Variants in SNX6 observed in about 807,000 individuals in gnomAD.
The protein encoded by SNX6 is sorting nexin-6.
In SNX6, 34 loss-of-function variants were observed where a neutral mutation model predicts 63.0. That is an observed-to-expected ratio of 0.54 (90% CI 0.41 to 0.72). SNX6 has a LOEUF of 0.72. Among genes scored for constraint, SNX6 ranks in the 30% least tolerant of loss-of-function variants. The pLI is 0.00. For synonymous variants in SNX6, 170 were observed against 164.2 expected (o/e 1.04, Z -0.27); for missense variants, 398 against 471.4 (o/e 0.84, Z 1.44).
At chr14:34,595,649 G>T (rs1489932573) in intron 7 of SNX6, among the ~76,000 whole-genome samples, 1 of 152,148 alleles carries the variant, frequency 6.6e-6, no homozygotes, top group Non-Finnish European at 1.5e-5. Flanking sequence ...GCATCAAATG[G>T]AAGTAAGCTG....
chr14:34,622,751 T>C (rs1594752326), intron 2 of SNX6, among the ~76,000 whole-genome samples: 1 of 152,024 alleles, frequency 6.6e-6, no homozygotes, highest in African/African-American at 2.4e-5. Context: ...AGCAGACCAA[T>C]AGCACAGTGG....
intron 8 of SNX6, among the ~76,000 whole-genome samples, chr14:34,589,641 T>C (rs931017482): frequency 2.0e-5 from 3 of 150,938 alleles, no homozygotes; most frequent in Non-Finnish European, 4.4e-5. Flanking sequence ...GCCTGGGCAA[T>C]ATGGCAAAAC....
chr14:34,589,176 C>T (rs544580995), intron 8 of SNX6, among the ~76,000 whole-genome samples: 4 of 152,084 alleles, frequency 2.6e-5, no homozygotes, highest in Admixed American at 2.6e-4. Flanking sequence ...GATTCTAGGG[C>T]TGAGGGCGGT....
intron 2 of SNX6, among the ~76,000 whole-genome samples, chr14:34,623,815 A>G (rs555159754): frequency 2.0e-5 from 3 of 152,352 alleles, no homozygotes; most frequent in African/African-American, 7.2e-5. Context: ...TACTCCACCT[A>G]AAGTAATTCT....
intron 2 of SNX6, among the ~76,000 whole-genome samples, chr14:34,615,405 A>G (rs2138371378): frequency 6.6e-6 from 1 of 152,286 alleles, no homozygotes; most frequent in African/African-American, 2.4e-5. Flanking sequence ...TTATTTTTTA[A>G]GAGATAGGGT....
At chr14:34,610,087 T>C (rs1285428026) in intron 2 of SNX6, among the ~76,000 whole-genome samples, 1 of 151,524 alleles carries the variant, frequency 6.6e-6, no homozygotes, top group Admixed American at 6.6e-5. Flanking sequence ...CTCATGTCTA[T>C]AATCCCAGCA....
At chr14:34,618,457 T>C (rs150271802) in intron 2 of SNX6, among the ~76,000 whole-genome samples, 47 of 152,178 alleles carry the variant, frequency 3.1e-4, no homozygotes, top group African/African-American at 9.9e-4. Flanking sequence ...TTCAAGCAAT[T>C]CTCCTGCCTC....
chr14:34,570,747 G>T (rs771961634), intron 11 of SNX6, among the ~76,000 whole-genome samples: 2 of 109,382 alleles, frequency 1.8e-5, no homozygotes, highest in East Asian at 3.0e-4. Flanking sequence ...TTTTTGAGAT[G>T]GAGTCTCACT....
chr14:34,568,565 G>T, intron 11 of SNX6: 1 of 560,030 alleles, frequency 1.8e-6, no homozygotes, highest in South Asian at 1.8e-5. Flanking sequence ...CAAACTCCTG[G>T]CCTCAAAGTG....
At chr14:34,595,063 G>A (rs750158362) in intron 7 of SNX6, among the ~76,000 whole-genome samples, 7 of 152,076 alleles carry the variant, frequency 4.6e-5, no homozygotes, top group Non-Finnish European at 1.0e-4. Flanking sequence ...CTGCACAGCA[G>A]CCTAAGGCAA....
chr14:34,605,525 T>C, intron 5 of SNX6, 71 bp downstream of exon 5: 2 of 1,344,534 alleles, frequency 1.5e-6, no homozygotes, highest in Non-Finnish European at 2.0e-6. Context: ...AAAAAGGCAT[T>C]AAAGCAAGCA....
intron 11 of SNX6, among the ~76,000 whole-genome samples, chr14:34,575,106 G>T (rs1352682034): frequency 6.6e-6 from 1 of 151,022 alleles, no homozygotes; most frequent in Non-Finnish European, 1.5e-5. Flanking sequence ...TGGCCAGGGT[G>T]GTCTCGAACT....
At chr14:34,585,837 G>T (rs1033242139) in intron 9 of SNX6, among the ~76,000 whole-genome samples, 1 of 151,790 alleles carries the variant, frequency 6.6e-6, no homozygotes, top group African/African-American at 2.4e-5. Flanking sequence ...CCGGACCTCA[G>T]GTTTTCCACC....
chr14:34,597,588 C>T lies in SNX6; in HGVS notation c.574G>A (p.Val192Ile). 6.2e-7 allele frequency: 1 copy of T among 1,608,374 alleles called. No individual in the cohort carries two copies. The highest frequency in any genetic ancestry group is 8.5e-7 in the Non-Finnish European group (1 of 1,176,290). ...ACGATTACTCCATCTGCTGATTTAA[C>T]CATGTTTTTAAAGAAGTCTTCAAGT... ...EKLEDFFKNM[V>I]KSADGVIVSG... Residue 192 changes from valine to isoleucine, a missense_variant, in exon 7 of 14, where the codon GTT becomes ATT. Val to Ile is a conservative substitution (Grantham distance 29). Coordinates refer to ENST00000362031, the MANE Select transcript of SNX6 (RefSeq NM_152233.4).
intron 10 of SNX6, among the ~76,000 whole-genome samples, chr14:34,578,883 G>T: frequency 8.3e-6 from 1 of 120,870 alleles, no homozygotes; most frequent in East Asian, 3.0e-4. Context: ...AGGTTTCAGT[G>T]AGCCAAGATC....
Position 34,562,991 on chromosome 14 carries a change from A to T in SNX6, c.*131T>A, listed in dbSNP as rs1320948024. Reference sequence around the variant, plus strand: ...GCGCTGCTCCATGTTTCTCAGAAAAAGAGGAGTTGATGCACTTTTTCAGCT... The same window carrying T: ...GCGCTGCTCCATGTTTCTCAGAAAATGAGGAGTTGATGCACTTTTTCAGCT... On this transcript the variant is annotated 3_prime_UTR_variant, in exon 14 of 14. Transcript: ENST00000362031. The T allele has an allele frequency of 1.5e-5, 13 of 852,086 alleles. No homozygotes were observed. The highest frequency in any genetic ancestry group is 5.7e-6 in the Non-Finnish European group (3 of 528,500). 52.8% of individuals were successfully genotyped at this position (852,086 alleles called of 1,614,324 possible).
chr14:34,584,828 A>C (rs904339898), intron 9 of SNX6, among the ~76,000 whole-genome samples: 3 of 152,054 alleles, frequency 2.0e-5, no homozygotes, highest in Non-Finnish European at 4.4e-5. Context: ...AGGGAGAAGA[A>C]AAAATATCAA....
At chr14:34,619,848 T>C (rs1883560089) in intron 2 of SNX6, among the ~76,000 whole-genome samples, 1 of 152,114 alleles carries the variant, frequency 6.6e-6, no homozygotes. Flanking sequence ...GGCTCACAAA[T>C]TCCCATACTC....
intron 2 of SNX6, among the ~76,000 whole-genome samples, chr14:34,610,011 A>G (rs1883163552): frequency 6.6e-6 from 1 of 152,042 alleles, no homozygotes. Context: ...TGAGTTAATC[A>G]TGATTTATTA....
Sources: gnomAD v4.1 joint callset for allele counts (sites outside exome capture counted in the v4.1 genomes callset) on GRCh38, gnomAD v4.1.1 for gene constraint, MANE v1.5 for transcripts, NCBI Gene and HGNC (gene_info 2026-07-23, HGNC 2026-07-21) for gene names.